Variants in TTC7B observed in about 807,000 individuals in gnomAD.
The protein encoded by TTC7B is tetratricopeptide repeat domain 7B.
In TTC7B, 28 loss-of-function variants were observed where a neutral mutation model predicts 106.8. The ratio of observed to expected loss-of-function variants is 0.26; its 90% confidence interval spans 0.19 to 0.36. The LOEUF (loss-of-function observed/expected upper bound fraction) is 0.36. Ranked by LOEUF, TTC7B falls within the 10% of genes least tolerant of loss-of-function variation. The probability of loss-of-function intolerance (pLI) is 1.00; values close to 1 mark genes in which losing one functional copy is unlikely to be tolerated. For synonymous variants in TTC7B, 405 were observed against 430.6 expected (o/e 0.94, Z 0.74); for missense variants, 862 against 1,076.4 (o/e 0.80, Z 2.79).
At chr14:90,787,674 G>T (rs539211705) in intron 1 of TTC7B, among the ~76,000 whole-genome samples, 1 of 152,278 alleles carries the variant, frequency 6.6e-6, no homozygotes, top group East Asian at 1.9e-4. Flanking sequence ...TAAAACAAAA[G>T]CCTTTTCCAC....
intron 14 of TTC7B, among the ~76,000 whole-genome samples, chr14:90,644,592 C>T (rs553336978): frequency 7.9e-5 from 12 of 152,336 alleles, no homozygotes; most frequent in African/African-American, 2.9e-4. Flanking sequence ...AGTGGAGACA[C>T]ATACAAAGTG....
intron 4 of TTC7B, among the ~76,000 whole-genome samples, chr14:90,735,492 G>A (rs1369512690): frequency 6.6e-6 from 1 of 150,452 alleles, no homozygotes; most frequent in Non-Finnish European, 1.5e-5. Context: ...GGGTGACAGA[G>A]TGAGACCTTG....
At chr14:90,628,264 T>G (rs938324701) in intron 15 of TTC7B, among the ~76,000 whole-genome samples, 2 of 152,260 alleles carry the variant, frequency 1.3e-5, no homozygotes, top group Admixed American at 6.5e-5. Context: ...ATAAATACAC[T>G]GTTCTCTCTG....
At chr14:90,549,143 A>G (rs1250404682) in intron 19 of TTC7B, among the ~76,000 whole-genome samples, 1 of 151,886 alleles carries the variant, frequency 6.6e-6, no homozygotes, top group African/African-American at 2.4e-5. Context: ...AAAAAAAAAA[A>G]AGATTTTCTT....
chr14:90,577,781 C>G lies in TTC7B; in HGVS notation c.2310+325G>C, dbSNP rs1453418225. Among the ~76,000 whole-genome samples the G allele has an allele frequency of 4.6e-5, 7 of 152,250 alleles. No individual in the cohort carries two copies. The highest frequency in any genetic ancestry group is 1.7e-4 in the African/African-American group (7 of 41,472). ...GCAAGCAGCACAGAGGCTGAGATGA[C>G]AGTGACAATGCCCCACGGCCACAAG... On this transcript the variant is annotated intron_variant, in intron 19 of 19. Coordinates refer to ENST00000328459, the MANE Select transcript of TTC7B (RefSeq NM_001010854.2). This position sits in a 1 kb window ranked among gnomAD's most constrained non-coding sequence, Gnocchi z 5.0.
intron 13 of TTC7B, chr14:90,648,491 A>T (rs1292838619): frequency 6.6e-6 from 1 of 152,402 alleles, no homozygotes; most frequent in East Asian, 1.9e-4. Context: ...TGCTGGGACC[A>T]CAGGCGTGCT....
intron 18 of TTC7B, among the ~76,000 whole-genome samples, chr14:90,589,867 A>G (rs1891881853): frequency 6.6e-6 from 1 of 152,268 alleles, no homozygotes. Flanking sequence ...TGAATTTAAG[A>G]TTAAAATCTA....
At chr14:90,612,835 A>G (rs1289593616) in intron 16 of TTC7B, among the ~76,000 whole-genome samples, 1 of 152,158 alleles carries the variant, frequency 6.6e-6, no homozygotes, top group Non-Finnish European at 1.5e-5. Flanking sequence ...TCCTATAGCC[A>G]ACTTATCCCT....
chr14:90,793,663 C>T (rs1284497719), intron 1 of TTC7B, among the ~76,000 whole-genome samples: 1 of 148,410 alleles, frequency 6.7e-6, no homozygotes, highest in Non-Finnish European at 1.5e-5. Context: ...GGCTGGAGTG[C>T]AATGGCACGT....
chr14:90,672,337 C>T (rs1419944048), intron 9 of TTC7B, among the ~76,000 whole-genome samples: 1 of 152,218 alleles, frequency 6.6e-6, no homozygotes, highest in East Asian at 1.9e-4. Context: ...ACACGAGCCA[C>T]ACGGTGATAT....
chr14:90,552,220 C>T (rs905599744), intron 19 of TTC7B, among the ~76,000 whole-genome samples: 67 of 152,256 alleles, frequency 4.4e-4, no homozygotes, highest in African/African-American at 1.5e-3. Context: ...GTGGGACTCA[C>T]ACGCTGCCAC....
rs143391919 is a variant in TTC7B, at chr14:90,789,712, C to T, written c.122-3384G>A. On this transcript the variant is annotated intron_variant, in intron 1 of 19. Coordinates refer to ENST00000328459, the MANE Select transcript of TTC7B (RefSeq NM_001010854.2). ...GAGATCAAGACCATCCTGGCTAACA[C>T]GGTGAAACCCCGTCTCTACTAAAAA... Among the ~76,000 whole-genome samples the T allele has an allele frequency of 6.4e-3, 973 of 151,844 alleles. 6 individuals carry two copies. Among genetic ancestry groups the T allele is most frequent in the African/African-American group, 0.022 (928 of 41,450 alleles).
At chr14:90,619,137 C>T (rs1423432703) in intron 15 of TTC7B, among the ~76,000 whole-genome samples, 1 of 152,216 alleles carries the variant, frequency 6.6e-6, no homozygotes, top group Non-Finnish European at 1.5e-5. Context: ...CTCCTGACCT[C>T]GTGATCCTCC....
intron 16 of TTC7B, among the ~76,000 whole-genome samples, chr14:90,616,519 G>C (rs988803150): frequency 6.6e-6 from 1 of 151,032 alleles, no homozygotes; most frequent in African/African-American, 2.4e-5. Context: ...TGGGGGGGAG[G>C]TGGGGGCTGG....
rs549922723 is a variant in TTC7B, at chr14:90,802,684, G to C, written c.121+13491C>G. 6.6e-6 allele frequency among the ~76,000 whole-genome samples: 1 copy of C among 151,900 alleles called. No homozygotes were observed. Among genetic ancestry groups the C allele is most frequent in the Non-Finnish European group, 1.5e-5 (1 of 67,970 alleles). On this transcript the variant is annotated intron_variant, in intron 1 of 19. Coordinates refer to ENST00000328459, the MANE Select transcript of TTC7B (RefSeq NM_001010854.2). This position sits in a 1 kb window ranked among gnomAD's most constrained non-coding sequence, Gnocchi z 4.7. The stretch of plus-strand genomic sequence containing the variant: ...ACTGAAGAGCGGCGGTGCTCCTCCC[G>C]GTCTTTGGTCACCATTTGCAAGTAG...
chr14:90,648,039 C>A (rs1885543226), intron 13 of TTC7B, among the ~76,000 whole-genome samples: 1 of 152,084 alleles, frequency 6.6e-6, no homozygotes, highest in Non-Finnish European at 1.5e-5. Context: ...ATAATAAGGC[C>A]TTTTAATTGG....
In TTC7B at chr14:90,537,352, A is replaced by ATTTTTT. The variant is rs746402998; in HGVS notation, c.*4010_*4015dup. 1 of 107,712 alleles carries ATTTTTT rather than the reference A, an allele frequency of 9.3e-6. No homozygotes were observed. The highest frequency in any genetic ancestry group is 1.1e-4 in the Admixed American group (1 of 9,096). 6.7% of individuals were successfully genotyped at this position (107,712 alleles called of 1,614,324 possible). A position where few individuals can be genotyped will look rare whatever the true frequency, so the allele number is the denominator to read the frequency against. On this transcript the variant is annotated 3_prime_UTR_variant, in exon 20 of 20. Coordinates refer to ENST00000328459, the MANE Select transcript of TTC7B (RefSeq NM_001010854.2). ...CAGGTGCACGCCACCAAACCTGGCT[A>ATTTTTT]TTTTTTTTTTTTTGTAGAGATGGGG...
At position 90,778,952 on chromosome 14, in the gene TTC7B, C is replaced by G. The variant is rs562243857; in HGVS notation, c.445+1786G>C. ...GGTCTTTGTTCAACACTGCAGAAGA[C>G]AACTAAGTCAGACAGGCTGGACCAC... is the stretch of plus-strand genomic sequence containing the variant. On this transcript the variant is annotated intron_variant, in intron 3 of 19. Transcript: ENST00000328459. Among the ~76,000 whole-genome samples the G allele has an allele frequency of 6.0e-4, 91 of 152,340 alleles. 1 individual carries two copies. The highest frequency in any genetic ancestry group is 2.1e-3 in the African/African-American group (89 of 41,586).
chr14:90,732,050 A>C lies in TTC7B; in HGVS notation c.577-1854T>G, dbSNP rs1595332229. Among the ~76,000 whole-genome samples the C allele has an allele frequency of 3.3e-5, 5 of 152,358 alleles. 1 individual carries two copies. In the South Asian group the frequency reaches 1.0e-3, roughly 32 times the overall value. On this transcript the variant is annotated intron_variant, in intron 4 of 19. Coordinates refer to ENST00000328459, the MANE Select transcript of TTC7B (RefSeq NM_001010854.2). ...TCACACAAAAATAACCACAGTTAAC[A>C]TTTATTGAACGACAATCCAGATATC... is the stretch of plus-strand genomic sequence containing the variant.
Sources: allele counts gnomAD v4.1 joint callset (sites outside exome capture counted in the v4.1 genomes callset), GRCh38; gene constraint gnomAD v4.1.1; non-coding constraint Gnocchi (gnomAD v3.1); transcripts MANE v1.5; gene names NCBI Gene and HGNC (gene_info 2026-07-23, HGNC 2026-07-21).